Variants in AR observed in about 807,000 individuals in gnomAD.
AR encodes dihydrotestosterone receptor.
AR carries 8 observed loss-of-function variants against 53.9 expected under a neutral mutation model. The ratio of observed to expected loss-of-function variants is 0.15; its 90% CI spans 0.09 to 0.27. AR has a LOEUF of 0.27. Among genes scored for constraint, AR ranks in the 10% least tolerant of loss-of-function variants. AR has a pLI of 1.00. For missense variants in AR, 639 were observed against 742.5 expected, an observed-to-expected ratio of 0.86 and a Z score of 1.62; for synonymous variants, 359 against 316.4, an observed-to-expected ratio of 1.13 and a Z score of -1.43.
chrX:67,548,489 T>C (rs1929861561), intron 1 of AR, among the ~76,000 whole-genome samples: 1 of 111,118 alleles, frequency 9.0e-6, no homozygotes, highest in Non-Finnish European at 1.9e-5. Context: ...CACTAGACGG[T>C]GGAGCCCCTC....
intron 2 of AR, among the ~76,000 whole-genome samples, chrX:67,675,639 C>A (rs918255414): frequency 8.9e-6 from 1 of 111,895 alleles, no homozygotes; most frequent in Non-Finnish European, 1.9e-5. Flanking sequence ...CTGCTCTGAA[C>A]ACCATGTGGT....
At chrX:67,646,106 C>T (rs1334141248) in intron 2 of AR, among the ~76,000 whole-genome samples, 1 of 111,841 alleles carries the variant, frequency 8.9e-6, no homozygotes, top group Non-Finnish European at 1.9e-5. Context: ...TTCATAGTTT[C>T]ATAAATCTCT....
At chrX:67,708,100 G>A (rs1171182393) in intron 3 of AR, among the ~76,000 whole-genome samples, 14 of 111,412 alleles carry the variant, frequency 1.3e-4, no homozygotes, top group East Asian at 5.6e-4. Flanking sequence ...CAACTTTGGC[G>A]AATCTGATAA....
chrX:67,580,972 A>G (rs912597155), intron 1 of AR, among the ~76,000 whole-genome samples: 8 of 112,210 alleles, frequency 7.1e-5, no homozygotes, highest in African/African-American at 2.6e-4. Context: ...CTCTTAGTTG[A>G]ATAATCTAAG....
chrX:67,672,129 C>T (rs927739823), intron 2 of AR, among the ~76,000 whole-genome samples: 1 of 111,610 alleles, frequency 9.0e-6, no homozygotes, highest in Non-Finnish European at 1.9e-5. Flanking sequence ...ACCCCACCCC[C>T]ACGGAGTCCT....
intron 2 of AR, among the ~76,000 whole-genome samples, chrX:67,667,673 T>A (rs189267809): frequency 1.8e-5 from 2 of 111,906 alleles, no homozygotes; most frequent in East Asian, 5.6e-4. Flanking sequence ...TTTAACAATA[T>A]CAATTCTTGA....
chrX:67,703,207 T>A (rs1418098935), intron 3 of AR, among the ~76,000 whole-genome samples: 1 of 112,425 alleles, frequency 8.9e-6, no homozygotes, highest in Non-Finnish European at 1.9e-5. Context: ...CTCTCTTTGG[T>A]TTCTACCTTT....
At chrX:67,664,120 C>T (rs1425855126) in intron 2 of AR, among the ~76,000 whole-genome samples, 5 of 112,178 alleles carry the variant, frequency 4.5e-5, no homozygotes, top group Admixed American at 9.5e-5. Context: ...TCTCTCAACT[C>T]GTCAAAGTCA....
At chrX:67,623,820 TA>T (rs995964793) in intron 1 of AR, among the ~76,000 whole-genome samples, 2 of 111,464 alleles carry the variant, frequency 1.8e-5, no homozygotes, top group African/African-American at 6.5e-5. Flanking sequence ...CTACCTACCT[TA>T]AAAAGAATTT....
At chrX:67,696,052 C>T in intron 3 of AR, 2 of 749,650 alleles carry the variant, frequency 2.7e-6, no homozygotes, top group Non-Finnish European at 1.6e-6. Context: ...TGAAATTTTC[C>T]CTTAATAAAG....
chrX:67,715,644 G>A (rs775212668), intron 4 of AR, among the ~76,000 whole-genome samples: 10 of 111,873 alleles, frequency 8.9e-5, no homozygotes, highest in Non-Finnish European at 1.1e-4. Flanking sequence ...GAACACCTGG[G>A]TTCTAGTATT....
chrX:67,581,140 C>G (rs890683116), intron 1 of AR, among the ~76,000 whole-genome samples: 3 of 111,280 alleles, frequency 2.7e-5, no homozygotes, highest in African/African-American at 9.8e-5. Flanking sequence ...CCAGTGCTAT[C>G]TGTCTCTTCT....
rs1285150838 is a variant in AR, at chrX:67,724,510, A to G, written c.*669A>G. 1 of 173,072 alleles carries G rather than the reference A, an allele frequency of 5.8e-6. No homozygotes were observed. Among genetic ancestry groups the G allele is most frequent in the Admixed American group, 8.0e-5 (1 of 12,484 alleles). The allele number at this position is 173,072 out of a possible 1,213,427, so 14.3% of individuals were successfully genotyped here. On this transcript the variant is annotated 3_prime_UTR_variant, in exon 8 of 8. Transcript: ENST00000374690. ...CCACGGGAGACTTTATTTTCTGCCA[A>G]TGGCTATTGCCATTAGAGGGCAGAG...
At chrX:67,621,933 A>G (rs748769150) in intron 1 of AR, among the ~76,000 whole-genome samples, 51 of 111,821 alleles carry the variant, frequency 4.6e-4, no homozygotes, top group Non-Finnish European at 7.7e-4. Flanking sequence ...CTTTAGAGTT[A>G]GCCAGGTATG....
intron 3 of AR, among the ~76,000 whole-genome samples, chrX:67,707,661 A>T (rs1348680304): frequency 1.8e-5 from 2 of 111,792 alleles, no homozygotes; most frequent in African/African-American, 6.5e-5. Context: ...TAATATTGTT[A>T]TATGTGAATT....
chrX:67,694,237 G>T (rs767966008), intron 3 of AR, among the ~76,000 whole-genome samples: 4 of 110,611 alleles, frequency 3.6e-5, no homozygotes, highest in African/African-American at 1.3e-4. Context: ...TTTGGCTGCT[G>T]CAAGAAATTC....
intron 3 of AR, among the ~76,000 whole-genome samples, chrX:67,690,690 C>T (rs937927007): frequency 1.8e-5 from 2 of 111,805 alleles, no homozygotes; most frequent in African/African-American, 6.5e-5. Context: ...TTTGGGGAAG[C>T]AGAACTGAAT....
At chrX:67,666,777 T>C (rs764419306) in intron 2 of AR, among the ~76,000 whole-genome samples, 11 of 111,915 alleles carry the variant, frequency 9.8e-5, no homozygotes, top group Admixed American at 2.9e-4. Flanking sequence ...TGAGATCTCA[T>C]TGTTGTTTTG....
chrX:67,568,666 C>T (rs1251895398), intron 1 of AR, among the ~76,000 whole-genome samples: 2 of 111,965 alleles, frequency 1.8e-5, no homozygotes, highest in African/African-American at 6.5e-5. Flanking sequence ...TATTTTCACA[C>T]TACTGTACTT....
Sources: allele counts gnomAD v4.1 joint callset (sites outside exome capture counted in the v4.1 genomes callset), GRCh38; gene constraint gnomAD v4.1.1; transcripts MANE v1.5; gene names NCBI Gene and HGNC (gene_info 2026-07-23, HGNC 2026-07-21).